The following KHDRBS2 variants were observed in gnomAD, a reference collection of about 807,000 sequenced individuals.
KHDRBS2 encodes the protein KH RNA binding domain containing, signal transduction associated 2.
A neutral mutation model predicts 44.3 loss-of-function variants in KHDRBS2; 26 were observed. That is an observed-to-expected ratio of 0.59 (90% CI 0.43 to 0.81). The LOEUF is 0.81. Among genes scored for constraint, KHDRBS2 ranks in the 40% least tolerant of loss-of-function variants. The pLI, the probability that KHDRBS2 is intolerant of heterozygous loss-of-function variation, is 0.00. For synonymous variants in KHDRBS2, 194 were observed against 151.1 expected, an observed-to-expected ratio of 1.28 and a Z score of -2.08; for missense variants, 476 against 433.1, an observed-to-expected ratio of 1.10 and a Z score of -0.88.
chr6:62,151,108 C>T (rs1346687890), intron 2 of KHDRBS2, among the ~76,000 whole-genome samples: 1 of 152,140 alleles, frequency 6.6e-6, no homozygotes, highest in African/African-American at 2.4e-5. Context: ...GGACTCAGAA[C>T]CGTCAAATTC....
chr6:61,554,681 G>T, the KHDRBS2 span, among the ~76,000 whole-genome samples: 1 of 152,062 alleles, frequency 6.6e-6, no homozygotes, highest in Non-Finnish European at 1.5e-5. Context: ...CTCCCTTCAG[G>T]ACCTCTTGTA....
chr6:61,684,115 T>C (rs1766581104), intron 8 of KHDRBS2, among the ~76,000 whole-genome samples: 1 of 151,986 alleles, frequency 6.6e-6, no homozygotes, highest in Non-Finnish European at 1.5e-5. Flanking sequence ...CATTTACAAT[T>C]GCCACATGAT....
chr6:62,195,980 T>G (rs1020093989), intron 1 of KHDRBS2, among the ~76,000 whole-genome samples: 12 of 152,274 alleles, frequency 7.9e-5, no homozygotes, highest in Non-Finnish European at 1.5e-4. Context: ...CTAAAAATAT[T>G]AAAACAGAAA....
chr6:62,065,430 A>G (rs886264876), intron 2 of KHDRBS2, among the ~76,000 whole-genome samples: 44 of 142,872 alleles, frequency 3.1e-4, no homozygotes, highest in Non-Finnish European at 5.2e-4. Context: ...TGGTACATAT[A>G]CACCATGGAA....
At chr6:61,720,327 G>T (rs1772232583) in intron 7 of KHDRBS2, among the ~76,000 whole-genome samples, 2 of 152,168 alleles carry the variant, frequency 1.3e-5, no homozygotes, top group Non-Finnish European at 2.9e-5. Context: ...GGTATTTCTA[G>T]TTCTAGATCC....
chr6:61,959,940 G>C (rs994480126), intron 4 of KHDRBS2, among the ~76,000 whole-genome samples: 2 of 152,066 alleles, frequency 1.3e-5, no homozygotes, highest in African/African-American at 2.4e-5. Flanking sequence ...CTCAAGGCTT[G>C]GTTCTGATTT....
At chr6:61,848,482 T>TAC (rs1348283977) in intron 6 of KHDRBS2, among the ~76,000 whole-genome samples, 2 of 48,708 alleles carry the variant, frequency 4.1e-5, no homozygotes, top group Non-Finnish European at 7.0e-5. Context: ...TATATATATA[T>TAC]ATATATATGT....
chr6:61,701,019 C>T (rs1354358185), intron 7 of KHDRBS2, among the ~76,000 whole-genome samples: 1 of 151,694 alleles, frequency 6.6e-6, no homozygotes, highest in African/African-American at 2.4e-5. Context: ...ATTTATATCC[C>T]AAACTATAGG....
At position 62,075,741 on chromosome 6, in the gene KHDRBS2, C is replaced by T. The variant is rs537537928; in HGVS notation, c.220-27747G>A. ...TGCCATGAGCACAATTTCACTTTGA[C>T]ATTGTGGGCATATTATGAAAATCTT... is the stretch of plus-strand genomic sequence containing the variant. On this transcript the variant is annotated intron_variant, in intron 2 of 8. Coordinates refer to ENST00000281156, the MANE Select transcript of KHDRBS2 (RefSeq NM_152688.4). 1.9e-4 allele frequency among the ~76,000 whole-genome samples: 29 copies of T among 151,848 alleles called. No homozygotes were observed. In the East Asian group the frequency reaches 4.5e-3, roughly 23 times the overall value.
chr6:62,118,466 C>A (rs904567979), intron 2 of KHDRBS2, among the ~76,000 whole-genome samples: 1 of 151,926 alleles, frequency 6.6e-6, no homozygotes, highest in Non-Finnish European at 1.5e-5. Context: ...GGAATTTCAC[C>A]GAATCTGTAG....
rs1426003376 is a variant in KHDRBS2, at chr6:62,285,847, G to T, written c.91+11C>A. ...CGGCGGTTTGTGCCCATCTGTGGGG[G>T]CAAGTCCTACCTTCTGCCAAAAGGC... On this transcript the variant is annotated intron_variant, in intron 1 of 8. Transcript: ENST00000281156. The T allele has an allele frequency of 6.2e-7, 1 of 1,605,124 alleles. No homozygotes were observed. The highest frequency in any genetic ancestry group is 8.5e-7 in the Non-Finnish European group (1 of 1,173,750).
At chr6:62,120,303 T>A (rs897930256) in intron 2 of KHDRBS2, among the ~76,000 whole-genome samples, 1 of 152,128 alleles carries the variant, frequency 6.6e-6, no homozygotes, top group African/African-American at 2.4e-5. Flanking sequence ...TCACTTTAGA[T>A]CTACTCATCC....
At chr6:61,924,190 T>C (rs1259949973) in intron 4 of KHDRBS2, among the ~76,000 whole-genome samples, 2 of 152,090 alleles carry the variant, frequency 1.3e-5, no homozygotes, top group African/African-American at 4.8e-5. Context: ...ACTATGTTCA[T>C]GGGATGAAGG....
intron 2 of KHDRBS2, among the ~76,000 whole-genome samples, chr6:62,065,950 G>T (rs1304183019): frequency 6.6e-6 from 1 of 151,242 alleles, no homozygotes; most frequent in Non-Finnish European, 1.5e-5. Flanking sequence ...GTTTTTTTGT[G>T]CTAATCATAT....
chr6:61,700,367 C>A (rs1768458167), intron 7 of KHDRBS2, among the ~76,000 whole-genome samples: 1 of 149,980 alleles, frequency 6.7e-6, no homozygotes. Context: ...ATAAGTGATA[C>A]ATACACAGCA....
intron 6 of KHDRBS2, among the ~76,000 whole-genome samples, chr6:61,811,370 A>G (rs1788087070): frequency 6.6e-6 from 1 of 152,088 alleles, no homozygotes; most frequent in Non-Finnish European, 1.5e-5. Flanking sequence ...ACCTAGGTTT[A>G]TTCCATGTCT....
rs568358362 is a variant in KHDRBS2 at position 62,118,853 on chromosome 6, G to T, written c.219+58332C>A. ...AGGGGCTATGAGGCCTTCAGCCACA[G>T]ACTGAAGGCTGAACTGTCAGTTTCC... On this transcript the variant is annotated intron_variant, in intron 2 of 8. Transcript: ENST00000281156. Among the ~76,000 whole-genome samples the T allele has an allele frequency of 3.9e-5, 6 of 152,322 alleles. No individual in the cohort carries two copies. The South Asian group carries it at 1.2e-3, about 32-fold the overall frequency.
At chr6:61,617,268 C>T in the KHDRBS2 span, among the ~76,000 whole-genome samples, 3 of 152,152 alleles carry the variant, frequency 2.0e-5, no homozygotes, top group African/African-American at 7.2e-5. Context: ...AATTTAAAGA[C>T]TGATTCATAA....
chr6:61,581,046 T>C, the KHDRBS2 span, among the ~76,000 whole-genome samples: 1 of 152,176 alleles, frequency 6.6e-6, no homozygotes, highest in Non-Finnish European at 1.5e-5. Context: ...GGTTGGGTCT[T>C]AAAAAGAGGG....
Sources: allele counts gnomAD v4.1 joint callset (sites outside exome capture counted in the v4.1 genomes callset), GRCh38; gene constraint gnomAD v4.1.1; transcripts MANE v1.5; gene names NCBI Gene and HGNC (gene_info 2026-07-23, HGNC 2026-07-21).